The following LARP1 variants were observed in gnomAD, a reference collection of about 807,000 sequenced individuals.
LARP1 encodes La ribonucleoprotein 1, translational regulator.
Under a neutral mutation model 122.7 loss-of-function variants are expected in LARP1, and 36 were observed. The ratio of observed to expected loss-of-function variants is 0.29; its 90% CI spans 0.22 to 0.39. The LOEUF is 0.39. LARP1 is among the 10% of genes least tolerant of loss of function. The probability of loss-of-function intolerance (pLI) is 1.00; values close to 1 mark genes in which losing one functional copy is unlikely to be tolerated. For synonymous variants in LARP1, 539 were observed against 528.7 expected (o/e 1.02, Z -0.27); for missense variants, 1,040 against 1,403.6 (o/e 0.74, Z 4.14).
intron 1 of LARP1, among the ~76,000 whole-genome samples, chr5:154,778,466 A>G (rs558183168): frequency 4.6e-5 from 7 of 152,160 alleles, no homozygotes; most frequent in Non-Finnish European, 1.0e-4. Context: ...GAAGGATGGG[A>G]CCCAGGAATC....
chr5:154,712,662 G>A (rs1755273335), upstream of LARP1, among the ~76,000 whole-genome samples: 1 of 152,186 alleles, frequency 6.6e-6, no homozygotes, highest in Non-Finnish European at 1.5e-5. Context: ...GAGGAGGGGA[G>A]ACTCAGCGGG....
chr5:154,767,743 C>T (rs1755073034), intron 1 of LARP1, among the ~76,000 whole-genome samples: 1 of 152,150 alleles, frequency 6.6e-6, no homozygotes, highest in Non-Finnish European at 1.5e-5. Flanking sequence ...TATGTATTTC[C>T]TGTTCTGCGT....
chr5:154,735,897 A>T (rs1478491615), intron 1 of LARP1, among the ~76,000 whole-genome samples: 1 of 151,878 alleles, frequency 6.6e-6, no homozygotes, highest in East Asian at 1.9e-4. Context: ...TAATTATTTT[A>T]AAAAGTTTTA....
chr5:154,741,447 A>G (rs373555574), intron 1 of LARP1, among the ~76,000 whole-genome samples: 85 of 152,332 alleles, frequency 5.6e-4, no homozygotes, highest in African/African-American at 1.9e-3. Flanking sequence ...GCAGATAAAC[A>G]CACAAAATCA....
intron 1 of LARP1, among the ~76,000 whole-genome samples, chr5:154,724,789 G>A (rs1448073762): frequency 2.0e-5 from 3 of 151,524 alleles, no homozygotes; most frequent in Non-Finnish European, 4.4e-5. Flanking sequence ...ACCTCAGCCT[G>A]CCAAGTAGCT....
chr5:154,711,896 A>C (rs886495775), upstream of LARP1, among the ~76,000 whole-genome samples: 1 of 152,146 alleles, frequency 6.6e-6, no homozygotes, highest in Non-Finnish European at 1.5e-5. Flanking sequence ...TTCATGTCTC[A>C]GCTTTAATAT....
chr5:154,722,100 G>A (rs545247166), intron 1 of LARP1, among the ~76,000 whole-genome samples: 14 of 152,234 alleles, frequency 9.2e-5, no homozygotes, highest in Non-Finnish European at 1.3e-4. Flanking sequence ...GCCAAAACAC[G>A]TTCTGACCAC....
At chr5:154,779,301 A>C (rs1353536777) in intron 1 of LARP1, among the ~76,000 whole-genome samples, 1 of 152,148 alleles carries the variant, frequency 6.6e-6, no homozygotes, top group African/African-American at 2.4e-5. Flanking sequence ...TACAAGCTAC[A>C]TGAGAGATTG....
At chr5:154,686,740 G>A (rs895320851) in intron 1 of LARP1, among the ~76,000 whole-genome samples, 1 of 152,142 alleles carries the variant, frequency 6.6e-6, no homozygotes, top group African/African-American at 2.4e-5. Flanking sequence ...CTGTTTGATT[G>A]GCACACATGG....
At chr5:154,790,834 C>G in intron 3 of LARP1, 124 bp downstream of exon 3, 2 of 903,642 alleles carry the variant, frequency 2.2e-6, no homozygotes, top group South Asian at 3.2e-5. Flanking sequence ...TTTTTTTCCC[C>G]CCAACAGAGT....
intron 1 of LARP1, 137 bp downstream of exon 1, chr5:154,756,330 T>G: frequency 1.1e-6 from 1 of 932,876 alleles, no homozygotes; most frequent in Non-Finnish European, 1.3e-6. Context: ...TGCCTCCTGG[T>G]TGATCCTGGT....
chr5:154,790,629 T>G lies in LARP1; in HGVS notation c.499-16T>G. The G allele has an allele frequency of 6.2e-7, 1 of 1,613,898 alleles. No homozygotes were observed. The highest frequency in any genetic ancestry group is 8.5e-7 in the Non-Finnish European group (1 of 1,179,860). ...AGGGTCACTCCTGGGGCCCTCATAG[T>G]GTATGTTCCCTGCAGGTTGGTGACT... On this transcript the variant is annotated splice_polypyrimidine_tract_variant and intron_variant, in intron 2 of 18. Transcript: ENST00000518297.
At position 154,756,381 on chromosome 5, in the gene LARP1, C is replaced by T. The variant is rs9784602; in HGVS notation, c.436+188C>T. On this transcript the variant is annotated intron_variant, in intron 1 of 18. Coordinates refer to ENST00000518297, the MANE Select transcript of LARP1 (RefSeq NM_033551.3). The stretch of plus-strand genomic sequence containing the variant: ...CCCACCGTACACTCAGGGACCTGCC[C>T]CTGCCCGAGGGCCCGGCCTCCGGGA... The T allele has an allele frequency of 1.2e-4, 123 of 989,092 alleles. No individual in the cohort carries two copies. The African/African-American group carries it at 2.1e-3, about 17-fold the overall frequency. 61.3% of individuals were successfully genotyped at this position (989,092 alleles called of 1,614,324 possible). A position where few individuals can be genotyped will look rare whatever the true frequency, so the allele number is the denominator to read the frequency against.
At chr5:154,786,698 A>G (rs1756914648) in intron 1 of LARP1, 1 of 248,300 alleles carries the variant, frequency 4.0e-6, no homozygotes, top group Non-Finnish European at 8.4e-6. Context: ...CATGGAAACC[A>G]TTGGGCTCCA....
At chr5:154,711,361 T>C (rs932114692), upstream of LARP1, among the ~76,000 whole-genome samples, 1 of 152,094 alleles carries the variant, frequency 6.6e-6, no homozygotes, top group African/African-American at 2.4e-5. Context: ...AGGCTGTTCT[T>C]GAACTCCTGA....
intron 3 of LARP1, 54 bp from the exon 4 acceptor site, chr5:154,792,568 C>T: frequency 6.5e-7 from 1 of 1,547,458 alleles, no homozygotes; most frequent in African/African-American, 1.4e-5. Context: ...GCCTTCCCTC[C>T]TATACCATGA....
intron 1 of LARP1, among the ~76,000 whole-genome samples, chr5:154,720,488 G>A (rs1755797731): frequency 6.6e-6 from 1 of 152,156 alleles, no homozygotes; most frequent in Non-Finnish European, 1.5e-5. Flanking sequence ...GCTGAGGTAG[G>A]AGGATCACTT....
chr5:154,753,526 T>A (rs1753615156), upstream of LARP1, among the ~76,000 whole-genome samples: 1 of 152,210 alleles, frequency 6.6e-6, no homozygotes, highest in African/African-American at 2.4e-5. Flanking sequence ...CTTAGTAGAT[T>A]CCTGGTTTAA....
chr5:154,798,604 C>T (rs996288114), intron 8 of LARP1, among the ~76,000 whole-genome samples: 3 of 152,270 alleles, frequency 2.0e-5, no homozygotes, highest in African/African-American at 2.4e-5. Context: ...AAGCTCACTG[C>T]AACCTCAACC....
Sources: allele counts gnomAD v4.1 joint callset (sites outside exome capture counted in the v4.1 genomes callset), GRCh38; gene constraint gnomAD v4.1.1; transcripts MANE v1.5; gene names NCBI Gene and HGNC (gene_info 2026-07-23, HGNC 2026-07-21).